Variants in PPARGC1A observed in about 807,000 individuals in gnomAD.
PPARGC1A encodes peroxisome proliferator-activated receptor gamma coactivator 1-alpha.
A neutral mutation model predicts 88.7 loss-of-function variants in PPARGC1A; 25 were observed. That is an observed-to-expected ratio of 0.28 (90% CI 0.21 to 0.39). The LOEUF (loss-of-function observed/expected upper bound fraction) is 0.39, where lower values mean the gene tolerates loss of function less well. Ranked by LOEUF, PPARGC1A falls within the 10% of genes least tolerant of loss-of-function variation. PPARGC1A has a pLI of 1.00. For missense variants in PPARGC1A, 880 were observed against 968.7 expected (o/e 0.91, Z 1.22); for synonymous variants, 363 against 355.6 (o/e 1.02, Z -0.24).
the PPARGC1A span, among the ~76,000 whole-genome samples, chr4:24,389,513 G>A: frequency 1.3e-5 from 2 of 152,070 alleles, no homozygotes; most frequent in Non-Finnish European, 2.9e-5. Context: ...GAGGTCTTAC[G>A]AATATTAAGT....
At chr4:24,014,716 G>A in the PPARGC1A span, among the ~76,000 whole-genome samples, 1 of 152,112 alleles carries the variant, frequency 6.6e-6, no homozygotes, top group East Asian at 1.9e-4. Context: ...TGGCCATGAG[G>A]AGAGTATCTG....
At chr4:23,904,451 TC>T (rs758008312), upstream of PPARGC1A, among the ~76,000 whole-genome samples, 25 of 152,202 alleles carry the variant, frequency 1.6e-4, no homozygotes, top group Non-Finnish European at 2.5e-4. Context: ...ATTCAGGACA[TC>T]CATCCATGCC....
the PPARGC1A span, among the ~76,000 whole-genome samples, chr4:24,241,864 C>G: frequency 6.6e-6 from 1 of 152,202 alleles, no homozygotes; most frequent in Non-Finnish European, 1.5e-5. Flanking sequence ...ATGGGAGAAA[C>G]TCATTGTGGC....
chr4:23,793,501 T>TG lies in PPARGC1A; in HGVS notation c.*2320dup, dbSNP rs1278769303. The stretch of plus-strand genomic sequence containing the variant: ...GCTATCAAAATTAGCTGCATTGGCC[T>TG]GGGGGTGAAATCCATCTTACAAGAT... On this transcript the variant is annotated 3_prime_UTR_variant, in exon 13 of 13. Coordinates refer to ENST00000264867, the MANE Select transcript of PPARGC1A (RefSeq NM_013261.5). The TG allele has an allele frequency of 1.3e-5, 2 of 152,442 alleles. No individual in the cohort carries two copies. Among genetic ancestry groups the TG allele is most frequent in the African/African-American group, 4.8e-5 (2 of 41,452 alleles). The allele number at this position is 152,442 out of a possible 1,614,324, so 9.4% of individuals were successfully genotyped here. A position where few individuals can be genotyped will look rare whatever the true frequency, so the allele number is the denominator to read the frequency against.
At chr4:23,855,723 G>A (rs550338875) in intron 2 of PPARGC1A, among the ~76,000 whole-genome samples, 46 of 152,112 alleles carry the variant, frequency 3.0e-4, no homozygotes, top group Non-Finnish European at 4.1e-4. Flanking sequence ...ATAAGAAACA[G>A]GCAGATTGAG....
the PPARGC1A span, among the ~76,000 whole-genome samples, chr4:24,105,096 T>C: frequency 0.015 from 2,294 of 152,306 alleles, 60 homozygotes; most frequent in African/African-American, 0.052. Context: ...TTGGAACATG[T>C]TTCTAATATG....
At chr4:24,117,505 T>C in the PPARGC1A span, among the ~76,000 whole-genome samples, 3 of 151,552 alleles carry the variant, frequency 2.0e-5, no homozygotes, top group African/African-American at 7.3e-5. Context: ...GGCCTTCTAG[T>C]GGAAGCTACT....
the PPARGC1A span, among the ~76,000 whole-genome samples, chr4:24,285,982 T>C: frequency 2.0e-5 from 3 of 152,204 alleles, no homozygotes; most frequent in Non-Finnish European, 4.4e-5. Context: ...TCAACTACTC[T>C]GCCCAAACTT....
the PPARGC1A span, among the ~76,000 whole-genome samples, chr4:24,375,949 G>A: frequency 6.6e-6 from 1 of 151,584 alleles, no homozygotes; most frequent in African/African-American, 2.4e-5. Context: ...ATACCAAATG[G>A]TTACTAGTGA....
chr4:24,310,785 AGATAC>A, the PPARGC1A span, among the ~76,000 whole-genome samples: 2 of 152,230 alleles, frequency 1.3e-5, no homozygotes, highest in African/African-American at 4.8e-5. Context: ...ACAATATCTG[AGATAC>A]GATGTGAATT....
chr4:24,404,580 TAAC>T, the PPARGC1A span, among the ~76,000 whole-genome samples: 4,761 of 152,212 alleles, frequency 0.031, 154 homozygotes, highest in East Asian at 0.14. Flanking sequence ...TATAAGGTAC[TAAC>T]ATCCTTATTC....
the PPARGC1A span, among the ~76,000 whole-genome samples, chr4:24,349,336 C>A: frequency 6.6e-6 from 1 of 152,216 alleles, no homozygotes; most frequent in African/African-American, 2.4e-5. Flanking sequence ...TGGAGAGGGA[C>A]CAGCAGTGGG....
the PPARGC1A span, among the ~76,000 whole-genome samples, chr4:24,147,868 C>A: frequency 6.6e-6 from 1 of 152,048 alleles, no homozygotes; most frequent in African/African-American, 2.4e-5. Flanking sequence ...CACTTGAGCC[C>A]GGGAGGCAGA....
the PPARGC1A span, among the ~76,000 whole-genome samples, chr4:24,370,343 G>A: frequency 3.9e-5 from 6 of 152,032 alleles, no homozygotes; most frequent in African/African-American, 1.4e-4. Flanking sequence ...TGGCCTAATG[G>A]ATGAATAATA....
the PPARGC1A span, among the ~76,000 whole-genome samples, chr4:24,079,073 T>A: frequency 6.6e-6 from 1 of 152,086 alleles, no homozygotes; most frequent in African/African-American, 2.4e-5. Context: ...CAAAATTTCA[T>A]TATTATAAAT....
the PPARGC1A span, among the ~76,000 whole-genome samples, chr4:24,071,644 A>G: frequency 6.6e-6 from 1 of 152,214 alleles, no homozygotes; most frequent in African/African-American, 2.4e-5. Flanking sequence ...AACTTTCTAG[A>G]GAAGAGAACT....
At chr4:23,906,894 T>C (rs1415538109), upstream of PPARGC1A, among the ~76,000 whole-genome samples, 1 of 152,090 alleles carries the variant, frequency 6.6e-6, no homozygotes, top group East Asian at 1.9e-4. Flanking sequence ...TCTCCTCTCA[T>C]TTAGGAAATA....
chr4:24,100,260 G>A, the PPARGC1A span, among the ~76,000 whole-genome samples: 1 of 152,138 alleles, frequency 6.6e-6, no homozygotes. Flanking sequence ...GGCATATGAA[G>A]CTTTATTTCT....
At chr4:24,387,934 G>GAAAGAAAGAAAGAAAGAGAA in the PPARGC1A span, among the ~76,000 whole-genome samples, 1 of 71,458 alleles carries the variant, frequency 1.4e-5, no homozygotes, top group Admixed American at 1.4e-4. Flanking sequence ...AAGAAAGAAA[G>GAAAGAAAGAAAGAAAGAGAA]AGAAAGAAAG....
Sources: allele counts gnomAD v4.1 joint callset (sites outside exome capture counted in the v4.1 genomes callset), GRCh38; gene constraint gnomAD v4.1.1; transcripts MANE v1.5; gene names NCBI Gene and HGNC (gene_info 2026-07-23, HGNC 2026-07-21).